LIPJ: variants seen among roughly 807,000 people sequenced by gnomAD.
LIPJ encodes lipase family member J.
A neutral mutation model predicts 39.8 loss-of-function variants in LIPJ; 33 were observed. The observed-to-expected ratio is 0.83, with a 90% CI of 0.63 to 1.11. LIPJ has a LOEUF of 1.11. Among genes scored for constraint, LIPJ ranks in the 50% least tolerant of loss-of-function variants. The probability of loss-of-function intolerance (pLI) is 0.00; values close to 1 mark genes in which losing one functional copy is unlikely to be tolerated. For missense variants in LIPJ, 422 were observed against 427.9 expected (o/e 0.99, Z 0.12); for synonymous variants, 128 against 139.2 (o/e 0.92, Z 0.57).
intron 2 of LIPJ, among the ~76,000 whole-genome samples, chr10:88,587,749 AG>A: frequency 6.6e-6 from 1 of 152,178 alleles, no homozygotes. Flanking sequence ...GTATCTCACC[AG>A]GCAACCAGCA....
chr10:88,605,567 C>A, intron 9 of LIPJ, 66 bp from the exon 10 acceptor site: 2 of 1,104,606 alleles, frequency 1.8e-6, no homozygotes, highest in Non-Finnish European at 1.4e-6. Context: ...GCATTGCATG[C>A]TTAACTTGCT....
chr10:88,604,605 G>C (rs866805112), intron 9 of LIPJ, among the ~76,000 whole-genome samples: 14 of 152,176 alleles, frequency 9.2e-5, no homozygotes, highest in South Asian at 2.1e-4. Flanking sequence ...TAAGAGGTGA[G>C]TGAGAAAGAG....
intron 8 of LIPJ, among the ~76,000 whole-genome samples, chr10:88,601,325 A>C (rs982336802): frequency 1.3e-5 from 2 of 152,154 alleles, no homozygotes; most frequent in African/African-American, 4.8e-5. Context: ...GGAATTTTGG[A>C]GGGAACAAAC....
At chr10:88,583,072 C>T, upstream of LIPJ, 1 of 1,611,276 alleles carries the variant, frequency 6.2e-7, no homozygotes, top group Non-Finnish European at 8.5e-7. Context: ...AGACAACCCA[C>T]CTGAGTCCTC....
Position 88,596,279 on chromosome 10 carries a change from G to C in LIPJ, c.440-1G>C, listed in dbSNP as rs1465019237. 2 of 1,380,810 alleles carry C rather than the reference G, an allele frequency of 1.4e-6. No homozygotes were observed. Among genetic ancestry groups the C allele is most frequent in the African/African-American group, 1.5e-5 (1 of 66,588 alleles). 85.5% of individuals were successfully genotyped at this position (1,380,810 alleles called of 1,614,324 possible). On this transcript the variant is annotated splice_acceptor_variant, in intron 6 of 10. Transcript: ENST00000371939. LOFTEE classifies it high-confidence loss of function. ...CTAATTTATATCTTATTTTATTTTA[G>C]GTTTCATAACATTTTCTACTATATC... is the stretch of plus-strand genomic sequence containing the variant.
chr10:88,606,842 T>C (rs1477010007), exon 11 of LIPJ: 3 of 1,608,898 alleles, frequency 1.9e-6, no homozygotes, highest in Non-Finnish European at 2.5e-6. Flanking sequence ...AGACTCTTTG[T>C]TTGGATTAGA....
intron 4 of LIPJ, 37 bp from the exon 5 acceptor site, chr10:88,593,909 C>A (rs1257304733): frequency 1.3e-6 from 2 of 1,551,896 alleles, no homozygotes; most frequent in African/African-American, 1.4e-5. Flanking sequence ...TAGATAACTA[C>A]AAAATTTATA....
the LIPJ span, among the ~76,000 whole-genome samples, chr10:88,613,800 A>ATATATATGTGTGTG: frequency 0.032 from 2,359 of 73,822 alleles, 59 homozygotes; most frequent in Middle Eastern, 0.051. Context: ...ATATATATAT[A>ATATATATGTGTGTG]TGTGTGTGTG....
At chr10:88,602,684 T>A in intron 9 of LIPJ, 37 bp downstream of exon 9, 1 of 1,290,130 alleles carries the variant, frequency 7.8e-7, no homozygotes, top group Non-Finnish European at 1.1e-6. Flanking sequence ...ACAATTTAAT[T>A]CATGCTACTC....
rs187686161 is a variant in LIPJ at position 88,602,744 on chromosome 10, A to C, written c.795+97A>C. 6.3e-5 allele frequency: 38 copies of C among 604,054 alleles called. No individual in the cohort carries two copies. In the East Asian group the frequency reaches 1.2e-3, roughly 19 times the overall value. 37.4% of individuals were successfully genotyped at this position (604,054 alleles called of 1,614,324 possible). The stretch of plus-strand genomic sequence containing the variant: ...ATCATACCATGGCCATAGAGTAATA[A>C]ATTTATAAGGATAAAATGAAATTAT... On this transcript the variant is annotated intron_variant, in intron 9 of 10. Coordinates refer to ENST00000371939, the Ensembl canonical transcript of LIPJ.
chr10:88,610,789 T>C (rs1851740992), downstream of LIPJ, among the ~76,000 whole-genome samples: 1 of 152,324 alleles, frequency 6.6e-6, no homozygotes, highest in Admixed American at 6.5e-5. Flanking sequence ...GAGTGAAGGA[T>C]TGTTTTCAGA....
chr10:88,611,753 A>G (rs1469927116), downstream of LIPJ, among the ~76,000 whole-genome samples: 4 of 152,240 alleles, frequency 2.6e-5, no homozygotes, highest in Admixed American at 6.5e-5. Context: ...AAAGCCTCCA[A>G]GAAGTTTGGG....
chr10:88,601,310 C>G (rs970898278), intron 8 of LIPJ, among the ~76,000 whole-genome samples: 24 of 152,224 alleles, frequency 1.6e-4, no homozygotes, highest in African/African-American at 5.8e-4. Context: ...CAATGGCAAC[C>G]AACAGGAATT....
At chr10:88,598,019 G>C (rs1359377273) in intron 8 of LIPJ, among the ~76,000 whole-genome samples, 1 of 151,966 alleles carries the variant, frequency 6.6e-6, no homozygotes, top group Non-Finnish European at 1.5e-5. Context: ...CTCCAAAACT[G>C]TGGCATTTCT....
chr10:88,619,910 T>A, the LIPJ span, among the ~76,000 whole-genome samples: 2 of 151,690 alleles, frequency 1.3e-5, no homozygotes, highest in African/African-American at 4.8e-5. Context: ...AAATTAGATT[T>A]AAAAAAATTA....
chr10:88,591,632 G>A (rs776855435), intron 4 of LIPJ, 134 bp downstream of exon 4: 10 of 693,064 alleles, frequency 1.4e-5, no homozygotes, highest in African/African-American at 7.4e-5. Flanking sequence ...GTATCTTCTC[G>A]CATGCTACAA....
chr10:88,604,119 A>G (rs1851586109), intron 9 of LIPJ, among the ~76,000 whole-genome samples: 2 of 152,222 alleles, frequency 1.3e-5, no homozygotes, highest in Admixed American at 6.5e-5. Flanking sequence ...GAATAGAACT[A>G]TGGAGAAATT....
chr10:88,583,262 G>T, upstream of LIPJ: 3 of 1,584,470 alleles, frequency 1.9e-6, no homozygotes, highest in South Asian at 1.1e-5. Context: ...CTGGAAAGGC[G>T]GCCGAACCGG....
At position 88,590,637 on chromosome 10, in the gene LIPJ, A is replaced by ATTAC. The variant is rs757009857; in HGVS notation, c.-49_-46dup. On this transcript the variant is annotated 5_prime_UTR_variant, in exon 3 of 11. The change abolishes the stop of an existing upstream ORF in the 5' untranslated region. Coordinates refer to ENST00000371939, the Ensembl canonical transcript of LIPJ. ...GATGTATTTTATCCGAATTCTTGGA[A>ATTAC]TTACTCATGGTGTCTTTCAAAATTA... 4 of 1,471,794 alleles carry ATTAC rather than the reference A, an allele frequency of 2.7e-6. No homozygotes were observed. The highest frequency in any genetic ancestry group is 1.4e-5 in the African/African-American group (1 of 71,754). 91.2% of individuals were successfully genotyped at this position (1,471,794 alleles called of 1,614,324 possible).
Sources: allele counts gnomAD v4.1 joint callset (sites outside exome capture counted in the v4.1 genomes callset), GRCh38; gene constraint gnomAD v4.1.1; transcripts MANE v1.5; gene names NCBI Gene and HGNC (gene_info 2026-07-23, HGNC 2026-07-21).